The following PHACTR1 variants were observed in gnomAD, a reference collection of about 807,000 sequenced individuals.
PHACTR1 encodes the protein phosphatase and actin regulator 1.
A neutral mutation model predicts 69.2 loss-of-function variants in PHACTR1; 16 were observed. The observed-to-expected ratio is 0.23, with a 90% confidence interval of 0.16 to 0.35. The LOEUF is 0.35. Among genes scored for constraint, PHACTR1 ranks in the 10% least tolerant of loss-of-function variants. PHACTR1 has a pLI of 1.00. For synonymous variants in PHACTR1, 312 were observed against 284.5 expected, an observed-to-expected ratio of 1.10 and a Z score of -0.97; for missense variants, 510 against 734.7, an observed-to-expected ratio of 0.69 and a Z score of 3.54.
chr6:12,821,464 A>G (rs1394273541), intron 4 of PHACTR1, among the ~76,000 whole-genome samples: 1 of 54,830 alleles, frequency 1.8e-5, no homozygotes, highest in Non-Finnish European at 4.3e-5. Flanking sequence ...TTTCACATCA[A>G]AAAAAAAAAA....
At chr6:13,082,194 C>T (rs539615893) in intron 5 of PHACTR1, among the ~76,000 whole-genome samples, 10 of 152,156 alleles carry the variant, frequency 6.6e-5, no homozygotes, top group East Asian at 1.9e-4. Context: ...TTCCTTCCAC[C>T]GTTAGGAGTG....
chr6:12,814,481 G>A (rs1054108062), intron 4 of PHACTR1, among the ~76,000 whole-genome samples: 10 of 152,184 alleles, frequency 6.6e-5, no homozygotes, highest in African/African-American at 2.2e-4. Context: ...TCTGGAAAGC[G>A]CACTGAATTG....
chr6:12,961,971 C>T (rs62386824), intron 4 of PHACTR1, among the ~76,000 whole-genome samples: 2,257 of 152,168 alleles, frequency 0.015, 39 homozygotes, highest in Middle Eastern at 0.058. Flanking sequence ...CTCTGTCACC[C>T]GGGTTTGGGT....
intron 10 of PHACTR1, among the ~76,000 whole-genome samples, chr6:13,240,689 C>T (rs1445955336): frequency 6.6e-6 from 1 of 152,218 alleles, no homozygotes; most frequent in South Asian, 2.1e-4. Context: ...TCAAGTGATC[C>T]GCCCACCTCA....
intron 4 of PHACTR1, among the ~76,000 whole-genome samples, chr6:12,771,135 G>A (rs1181915305): frequency 6.6e-6 from 1 of 152,172 alleles, no homozygotes; most frequent in East Asian, 1.9e-4. Context: ...GAAACTAGAG[G>A]CAGGGAGGTA....
intron 4 of PHACTR1, among the ~76,000 whole-genome samples, chr6:12,753,939 T>A (rs1766925416): frequency 1.8e-5 from 2 of 110,476 alleles, no homozygotes; most frequent in Non-Finnish European, 3.7e-5. Context: ...CTAGGCAAGT[T>A]GTAAATATAT....
intron 5 of PHACTR1, among the ~76,000 whole-genome samples, chr6:13,141,012 T>C (rs1420182072): frequency 6.6e-6 from 1 of 152,208 alleles, no homozygotes; most frequent in African/African-American, 2.4e-5. Flanking sequence ...GTTCCTATAA[T>C]ATTGTGTAGA....
intron 4 of PHACTR1, among the ~76,000 whole-genome samples, chr6:12,875,663 T>C (rs921093753): frequency 2.0e-5 from 3 of 152,234 alleles, no homozygotes; most frequent in Non-Finnish European, 4.4e-5. Context: ...TGCTGTAACA[T>C]TTGGAAATCA....
At chr6:13,266,205 C>A (rs747068880) in intron 10 of PHACTR1, among the ~76,000 whole-genome samples, 13 of 152,118 alleles carry the variant, frequency 8.5e-5, no homozygotes, top group Non-Finnish European at 1.6e-4. Context: ...TCTTCCTGTC[C>A]ATTCACATAT....
chr6:12,909,266 A>G (rs1213915062), intron 4 of PHACTR1, among the ~76,000 whole-genome samples: 1 of 152,176 alleles, frequency 6.6e-6, no homozygotes, highest in Non-Finnish European at 1.5e-5. Flanking sequence ...TTCTCCCACA[A>G]TTTCACTGCA....
At chr6:12,757,268 CCTAAA>C (rs1305918833) in intron 4 of PHACTR1, among the ~76,000 whole-genome samples, 1 of 151,962 alleles carries the variant, frequency 6.6e-6, no homozygotes, top group African/African-American at 2.4e-5. Flanking sequence ...GTGAAAAGGA[CCTAAA>C]CTAGAGTGTT....
At chr6:13,077,027 C>T (rs1810595425) in intron 5 of PHACTR1, among the ~76,000 whole-genome samples, 1 of 149,676 alleles carries the variant, frequency 6.7e-6, no homozygotes, top group Non-Finnish European at 1.5e-5. Flanking sequence ...ACCAGCATGG[C>T]ACATGTATAC....
At chr6:13,020,456 G>A (rs1270707274) in intron 4 of PHACTR1, among the ~76,000 whole-genome samples, 2 of 152,150 alleles carry the variant, frequency 1.3e-5, no homozygotes, top group Non-Finnish European at 2.9e-5. Flanking sequence ...ACGTTGCTGT[G>A]ACAGGCAGAC....
intron 6 of PHACTR1, among the ~76,000 whole-genome samples, chr6:13,164,268 G>A (rs147432105): frequency 3.1e-4 from 47 of 152,222 alleles, no homozygotes; most frequent in East Asian, 1.2e-3. Context: ...TTTTATTGCC[G>A]CAACCTGATG....
chr6:13,038,151 C>T (rs939533624), intron 4 of PHACTR1, among the ~76,000 whole-genome samples: 3 of 152,090 alleles, frequency 2.0e-5, no homozygotes, highest in Admixed American at 6.5e-5. Flanking sequence ...ATAATTCTCA[C>T]AATAACCCAT....
intron 4 of PHACTR1, among the ~76,000 whole-genome samples, chr6:13,028,566 C>T (rs1013468798): frequency 9.9e-5 from 15 of 152,126 alleles, no homozygotes; most frequent in East Asian, 7.7e-4. Context: ...TGGAATATTT[C>T]GGGTCAGCGT....
chr6:13,040,877 G>A (rs1336547040), intron 4 of PHACTR1, among the ~76,000 whole-genome samples: 2 of 152,102 alleles, frequency 1.3e-5, no homozygotes, highest in Non-Finnish European at 2.9e-5. Context: ...TTGAGAGGCC[G>A]ATTAACTTGC....
chr6:12,866,145 C>A (rs142633978), intron 4 of PHACTR1, among the ~76,000 whole-genome samples: 1 of 152,236 alleles, frequency 6.6e-6, no homozygotes, highest in African/African-American at 2.4e-5. Context: ...TGGGGAAGAA[C>A]CATAATGATA....
At chr6:13,154,250 C>T (rs1214634237) in intron 5 of PHACTR1, among the ~76,000 whole-genome samples, 1 of 152,110 alleles carries the variant, frequency 6.6e-6, no homozygotes, top group Non-Finnish European at 1.5e-5. Flanking sequence ...CAGCAACCTC[C>T]ACCTCCTGGG....
Sources: allele counts gnomAD v4.1 joint callset (sites outside exome capture counted in the v4.1 genomes callset), GRCh38; gene constraint gnomAD v4.1.1; transcripts MANE v1.5; gene names NCBI Gene and HGNC (gene_info 2026-07-23, HGNC 2026-07-21).